AUTS2: variants seen among roughly 807,000 people sequenced by gnomAD.
The protein encoded by AUTS2 is activator of transcription and developmental regulator AUTS2.
In AUTS2, 17 loss-of-function variants were observed where a neutral mutation model predicts 112.4. That is an observed-to-expected ratio of 0.15 (90% CI 0.10 to 0.23). AUTS2 has a LOEUF of 0.23. Among genes scored for constraint, AUTS2 ranks in the 10% least tolerant of loss-of-function variants. The probability of loss-of-function intolerance (pLI) is 1.00; values close to 1 mark genes in which losing one functional copy is unlikely to be tolerated. For missense variants in AUTS2, 1,510 were observed against 1,701.6 expected (o/e 0.89, Z 1.98); for synonymous variants, 751 against 702.7 (o/e 1.07, Z -1.09).
intron 1 of AUTS2, among the ~76,000 whole-genome samples, chr7:69,806,811 AGTC>A (rs1204373571): frequency 6.6e-6 from 1 of 152,168 alleles, no homozygotes; most frequent in African/African-American, 2.4e-5. Flanking sequence ...TCTCTTCCAT[AGTC>A]GTCTTCTTTC....
At chr7:70,348,621 G>C (rs1266769373) in intron 4 of AUTS2, among the ~76,000 whole-genome samples, 2 of 151,964 alleles carry the variant, frequency 1.3e-5, no homozygotes, top group Non-Finnish European at 2.9e-5. Flanking sequence ...TGGCTAACAC[G>C]GTGAAACCCC....
rs1792199848 is a variant in AUTS2, at chr7:69,598,913, C to T, written c.-741C>T. The T allele has an allele frequency of 1.9e-5, 3 of 154,288 alleles. No homozygotes were observed. The highest frequency in any genetic ancestry group is 2.4e-5 in the African/African-American group (1 of 41,474). The allele number at this position is 154,288 out of a possible 1,614,324, so 9.6% of individuals were successfully genotyped here. A position where few individuals can be genotyped will look rare whatever the true frequency, so the allele number is the denominator to read the frequency against. ...CTTCCCTTCCTCCGCCTCCCTTCTC[C>T]TCCGCCGCTCGCAGTTTCGCCCTCT... On this transcript the variant is annotated 5_prime_UTR_variant, in exon 1 of 19. Coordinates refer to ENST00000342771, the MANE Select transcript of AUTS2 (RefSeq NM_015570.4).
chr7:70,478,406 A>C (rs1374077597), intron 5 of AUTS2, among the ~76,000 whole-genome samples: 1 of 152,058 alleles, frequency 6.6e-6, no homozygotes, highest in African/African-American at 2.4e-5. Context: ...TGTGTTTCCT[A>C]CTGAGGAAAG....
At chr7:70,062,155 A>C (rs1802279051) in intron 2 of AUTS2, among the ~76,000 whole-genome samples, 1 of 151,904 alleles carries the variant, frequency 6.6e-6, no homozygotes, top group Non-Finnish European at 1.5e-5. Context: ...TTTACTTTTC[A>C]TTTGAAATAT....
intron 4 of AUTS2, among the ~76,000 whole-genome samples, chr7:70,254,458 T>A (rs748312937): frequency 6.6e-6 from 1 of 151,762 alleles, no homozygotes; most frequent in Admixed American, 6.6e-5. Context: ...CTCTGTAACC[T>A]GATCAGGTTG....
chr7:70,081,935 AGTGTGTGT>A lies in AUTS2; in HGVS notation c.523-36173_523-36166del, dbSNP rs3049737. Among the ~76,000 whole-genome samples, 206 of 146,878 alleles carry A rather than the reference AGTGTGTGT, an allele frequency of 1.4e-3. 1 individual carries two copies. The highest frequency in any genetic ancestry group is 2.5e-3 in the Non-Finnish European group (166 of 66,572). On this transcript the variant is annotated intron_variant, in intron 2 of 18. Coordinates refer to ENST00000342771, the MANE Select transcript of AUTS2 (RefSeq NM_015570.4). ...AAAAACGGTAGATTTTTCTGTGAAG[AGTGTGTGT>A]GTGTGTGTGTGTGTGTGTGTGTGCG...
intron 2 of AUTS2, among the ~76,000 whole-genome samples, chr7:70,092,749 TG>T (rs1803984878): frequency 6.6e-6 from 1 of 152,206 alleles, no homozygotes; most frequent in East Asian, 1.9e-4. Context: ...AGCTTTTTAA[TG>T]GGCCAGCACA....
At chr7:69,939,315 C>A (rs1049925871) in intron 2 of AUTS2, among the ~76,000 whole-genome samples, 2 of 152,132 alleles carry the variant, frequency 1.3e-5, no homozygotes, top group African/African-American at 4.8e-5. Flanking sequence ...AAGGAGCCCC[C>A]TTAAATGTCA....
chr7:70,267,870 C>A (rs1318321187), intron 4 of AUTS2, among the ~76,000 whole-genome samples: 2 of 152,164 alleles, frequency 1.3e-5, no homozygotes, highest in African/African-American at 4.8e-5. Context: ...TGCTTTTCCC[C>A]CCCTACACTT....
At chr7:70,296,075 G>A (rs1330552423) in intron 4 of AUTS2, among the ~76,000 whole-genome samples, 2 of 152,186 alleles carry the variant, frequency 1.3e-5, no homozygotes, top group East Asian at 3.9e-4. Context: ...TACTTGCTGA[G>A]CCTTGCAGCT....
At chr7:70,562,563 A>G (rs1801535021) in intron 5 of AUTS2, among the ~76,000 whole-genome samples, 1 of 152,196 alleles carries the variant, frequency 6.6e-6, no homozygotes, top group Non-Finnish European at 1.5e-5. Flanking sequence ...ACATACCTCT[A>G]GGATAGCACT....
chr7:69,915,307 G>T (rs1337561431), intron 2 of AUTS2, among the ~76,000 whole-genome samples: 2 of 152,186 alleles, frequency 1.3e-5, no homozygotes, highest in Admixed American at 6.5e-5. Context: ...TCTACCGAAA[G>T]CATCGGCAAA....
At chr7:70,447,617 G>A (rs982809453) in intron 5 of AUTS2, among the ~76,000 whole-genome samples, 2 of 152,156 alleles carry the variant, frequency 1.3e-5, no homozygotes, top group African/African-American at 4.8e-5. Flanking sequence ...AGGTCAGTGT[G>A]GCAGTGCTCT....
chr7:69,926,449 A>ATCTG (rs1156674529), intron 2 of AUTS2, among the ~76,000 whole-genome samples: 1 of 48,716 alleles, frequency 2.1e-5, no homozygotes, highest in Non-Finnish European at 4.6e-5. Flanking sequence ...CTGTCTGTCT[A>ATCTG]TCTATCTATC....
chr7:70,665,451 C>CTATTTATCTATTTATTTATT (rs1554455006), intron 5 of AUTS2, among the ~76,000 whole-genome samples: 57 of 147,012 alleles, frequency 3.9e-4, no homozygotes, highest in African/African-American at 1.3e-3. Context: ...ATCTATTTAT[C>CTATTTATCTATTTATTTATT]TATTTATTTA....
chr7:69,753,236 AGTTT>A (rs1171122382), intron 1 of AUTS2, among the ~76,000 whole-genome samples: 2 of 152,056 alleles, frequency 1.3e-5, no homozygotes, highest in African/African-American at 4.8e-5. Flanking sequence ...TTCTTTGTGG[AGTTT>A]GTTTGGCTGG....
At chr7:69,688,037 T>G (rs1403932475) in intron 1 of AUTS2, among the ~76,000 whole-genome samples, 1 of 152,232 alleles carries the variant, frequency 6.6e-6, no homozygotes, top group African/African-American at 2.4e-5. Flanking sequence ...TGCATGTTAT[T>G]TAGCTGATAG....
chr7:70,449,491 T>C (rs961980006), intron 5 of AUTS2, among the ~76,000 whole-genome samples: 2 of 152,118 alleles, frequency 1.3e-5, no homozygotes, highest in African/African-American at 4.8e-5. Context: ...CCTCTGTACA[T>C]GGTGCTGGAG....
At chr7:70,610,316 G>C (rs1804020564) in intron 5 of AUTS2, among the ~76,000 whole-genome samples, 1 of 151,094 alleles carries the variant, frequency 6.6e-6, no homozygotes, top group South Asian at 2.1e-4. Flanking sequence ...TTAATGTTTT[G>C]AGGAACCTCC....
Sources: gnomAD v4.1 joint callset for allele counts (sites outside exome capture counted in the v4.1 genomes callset) on GRCh38, gnomAD v4.1.1 for gene constraint, MANE v1.5 for transcripts, NCBI Gene and HGNC (gene_info 2026-07-23, HGNC 2026-07-21) for gene names.